Variants in SPIDR observed in about 807,000 individuals in gnomAD.
The protein encoded by SPIDR is DNA repair-scaffolding protein.
In SPIDR, 93 loss-of-function variants were observed where a neutral mutation model predicts 104.6. The ratio of observed to expected loss-of-function variants is 0.89; its 90% CI spans 0.75 to 1.06. The LOEUF is 1.06. SPIDR is among the 50% of genes least tolerant of loss of function. SPIDR has a pLI of 0.00. For synonymous variants in SPIDR, 431 were observed against 416.9 expected (o/e 1.03, Z -0.41); for missense variants, 1,154 against 1,111.2 (o/e 1.04, Z -0.55).
Position 47,639,243 on chromosome 8 carries a change from C to G in SPIDR, c.1545-34558C>G, listed in dbSNP as rs541787958. ...GTGTGCTCCTTTGTTGTATGTGTGG[C>G]TCCCATGGAGAAGTTCTGTAGTTCT... On this transcript the variant is annotated intron_variant, in intron 10 of 19. Transcript: ENST00000297423. Among the ~76,000 whole-genome samples, 5 of 152,282 alleles carry G rather than the reference C, an allele frequency of 3.3e-5. No homozygotes were observed. The East Asian group carries it at 9.6e-4, about 29-fold the overall frequency.
intron 1 of SPIDR, among the ~76,000 whole-genome samples, chr8:47,278,085 AT>A (rs1414345595): frequency 7.4e-6 from 1 of 135,700 alleles, no homozygotes; most frequent in Non-Finnish European, 1.5e-5. Flanking sequence ...AGTGCTTGTC[AT>A]TTTCTTTCTC....
intron 14 of SPIDR, among the ~76,000 whole-genome samples, chr8:47,705,825 G>A (rs1490687464): frequency 2.0e-5 from 3 of 151,472 alleles, no homozygotes; most frequent in African/African-American, 7.3e-5. Context: ...GATCCCTTGA[G>A]CCCAGGAGGT....
intron 10 of SPIDR, among the ~76,000 whole-genome samples, chr8:47,658,045 A>AG (rs1457878539): frequency 1.4e-5 from 2 of 144,026 alleles, no homozygotes; most frequent in East Asian, 4.6e-4. Flanking sequence ...AAAAAAAAAA[A>AG]AAAAGAAAAA....
chr8:47,409,838 G>A (rs782780644), intron 7 of SPIDR, among the ~76,000 whole-genome samples: 1 of 152,340 alleles, frequency 6.6e-6, no homozygotes, highest in African/African-American at 2.4e-5. Flanking sequence ...AGGCCAGCCT[G>A]AGCAATGTAG....
At chr8:47,705,727 G>A (rs375915905) in intron 14 of SPIDR, among the ~76,000 whole-genome samples, 3 of 152,030 alleles carry the variant, frequency 2.0e-5, no homozygotes, top group Admixed American at 6.5e-5. Context: ...AACAAAGCAC[G>A]ACCCCGTCTC....
intron 8 of SPIDR, among the ~76,000 whole-genome samples, chr8:47,478,215 GCCTGACGACAAACACACC>G (rs1554724763): frequency 6.6e-6 from 1 of 152,212 alleles, no homozygotes; most frequent in African/African-American, 2.4e-5. Context: ...TGGGCATCCA[GCCTGACGACAAACACACC>G]TCTGAGGAAG....
intron 10 of SPIDR, among the ~76,000 whole-genome samples, chr8:47,625,853 C>T (rs2065993777): frequency 6.6e-6 from 1 of 152,194 alleles, no homozygotes; most frequent in Non-Finnish European, 1.5e-5. Flanking sequence ...CATCAAGCTA[C>T]CAGTGACTTT....
intron 10 of SPIDR, among the ~76,000 whole-genome samples, chr8:47,665,729 T>C (rs2154465681): frequency 6.6e-6 from 1 of 152,342 alleles, no homozygotes; most frequent in East Asian, 1.9e-4. Context: ...CTGCATCAGG[T>C]GACCACTCAG....
chr8:47,426,474 A>G (rs2066437978), intron 7 of SPIDR, among the ~76,000 whole-genome samples: 1 of 151,946 alleles, frequency 6.6e-6, no homozygotes, highest in Non-Finnish European at 1.5e-5. Flanking sequence ...GTAGATTATC[A>G]TCATTGATAG....
chr8:47,584,902 C>G (rs1163516543), intron 8 of SPIDR, among the ~76,000 whole-genome samples: 1 of 152,188 alleles, frequency 6.6e-6, no homozygotes, highest in Non-Finnish European at 1.5e-5. Flanking sequence ...CCCTTCCTTT[C>G]TCTCTTTCTC....
chr8:47,266,681 T>A (rs532896515), intron 1 of SPIDR, among the ~76,000 whole-genome samples: 1 of 152,342 alleles, frequency 6.6e-6, no homozygotes, highest in South Asian at 2.1e-4. Context: ...TATAAGAAAC[T>A]GACAAACTTT....
chr8:47,550,607 C>T (rs894200626), intron 8 of SPIDR, among the ~76,000 whole-genome samples: 1 of 152,088 alleles, frequency 6.6e-6, no homozygotes, highest in African/African-American at 2.4e-5. Flanking sequence ...GTGATTTTTG[C>T]ACATTGATTT....
chr8:47,291,951 G>T (rs1463162302), intron 4 of SPIDR, among the ~76,000 whole-genome samples: 1 of 152,130 alleles, frequency 6.6e-6, no homozygotes, highest in African/African-American at 2.4e-5. Flanking sequence ...GCTATGGGGA[G>T]TAACACCTTC....
chr8:47,376,326 A>T (rs1302106183), intron 5 of SPIDR, among the ~76,000 whole-genome samples: 1 of 152,118 alleles, frequency 6.6e-6, no homozygotes, highest in Non-Finnish European at 1.5e-5. Context: ...ACTGAATCAC[A>T]CCCCAAGCAG....
chr8:47,537,940 G>T (rs1173031349), intron 8 of SPIDR, among the ~76,000 whole-genome samples: 1 of 152,206 alleles, frequency 6.6e-6, no homozygotes, highest in Non-Finnish European at 1.5e-5. Context: ...AGTTTGGGAG[G>T]CTGAGGCGGG....
Position 47,712,741 on chromosome 8 carries a change from G to C in SPIDR, c.2057G>C (p.Arg686Thr), listed in dbSNP as rs763862936. 9 of 1,614,038 alleles carry C rather than the reference G, an allele frequency of 5.6e-6. No homozygotes were observed. In the Admixed American group the frequency reaches 1.0e-4, roughly 18 times the overall value. Residue 686 changes from arginine (R) to threonine (T), a missense_variant, in exon 15 of 20, where the codon AGA becomes ACA. Physicochemically the swap from Arg to Thr is moderately conservative, Grantham distance 71 (BLOSUM62 -1). Coordinates refer to ENST00000297423, the MANE Select transcript of SPIDR (RefSeq NM_001080394.4). ...GTCACTCTGCAAACGAAGGAGGAGA[G>C]AGACCCCAGGCTCCCCAAAACCCTG... ...TDVTLQTKEERDPRLPKTLLV... is the reference protein window; with the variant it reads ...TDVTLQTKEETDPRLPKTLLV...
At chr8:47,588,815 A>G (rs1038855977) in intron 8 of SPIDR, among the ~76,000 whole-genome samples, 26 of 152,130 alleles carry the variant, frequency 1.7e-4, no homozygotes, top group Admixed American at 1.4e-3. Flanking sequence ...GTTTTTTCAC[A>G]TTGCTAATGT....
intron 10 of SPIDR, among the ~76,000 whole-genome samples, chr8:47,637,390 TG>T (rs1013829483): frequency 1.6e-4 from 25 of 152,214 alleles, no homozygotes; most frequent in Admixed American, 2.6e-4. Context: ...GCCAACATGG[TG>T]AAATCCCTTC....
chr8:47,279,468 GCTCTT>G (rs2037279376), intron 1 of SPIDR: 1 of 159,670 alleles, frequency 6.3e-6, no homozygotes, highest in African/African-American at 2.4e-5. Context: ...AGTTTCAGGC[GCTCTT>G]CTCAGTTCTA....
Sources: allele counts gnomAD v4.1 joint callset (sites outside exome capture counted in the v4.1 genomes callset), GRCh38; gene constraint gnomAD v4.1.1; transcripts MANE v1.5; gene names NCBI Gene and HGNC (gene_info 2026-07-23, HGNC 2026-07-21).